Variants in TRPM1 observed in about 807,000 individuals in gnomAD.
TRPM1 encodes transient receptor potential cation channel subfamily M member 1, also known as TRPM1-203 APA Isoform, Intron 10.
Under a neutral mutation model 149.4 loss-of-function variants are expected in TRPM1, and 113 were observed. The ratio of observed to expected loss-of-function variants is 0.76; its 90% CI spans 0.65 to 0.88. TRPM1 has a LOEUF of 0.88. TRPM1 is among the 40% of genes least tolerant of loss of function. The probability of loss-of-function intolerance (pLI) is 0.00; values close to 1 mark genes in which losing one functional copy is unlikely to be tolerated. For synonymous variants in TRPM1, 741 were observed against 759.5 expected (o/e 0.98, Z 0.40); for missense variants, 1,976 against 2,038.7 (o/e 0.97, Z 0.59).
At chr15:31,140,328 GA>G (rs2036144771) in intron 1 of TRPM1, among the ~76,000 whole-genome samples, 1 of 151,884 alleles carries the variant, frequency 6.6e-6, no homozygotes, top group East Asian at 1.9e-4. Context: ...GCAGTGAGCC[GA>G]GATCGTGCCA....
At chr15:31,119,243 A>AAAATAAATAAATAAATAAAT (rs71110839) in intron 1 of TRPM1, among the ~76,000 whole-genome samples, 2 of 148,156 alleles carry the variant, frequency 1.3e-5, no homozygotes, top group South Asian at 4.3e-4. Context: ...CTCCATCTCA[A>AAAATAAATAAATAAATAAAT]AAATAAATAA....
intron 1 of TRPM1, among the ~76,000 whole-genome samples, chr15:31,110,825 T>C (rs2035674144): frequency 6.6e-6 from 1 of 152,102 alleles, no homozygotes; most frequent in African/African-American, 2.4e-5. Context: ...TTTCATTTTT[T>C]TCTCCTTTCT....
At chr15:31,112,131 T>C (rs1432960898) in intron 1 of TRPM1, among the ~76,000 whole-genome samples, 2 of 152,186 alleles carry the variant, frequency 1.3e-5, no homozygotes, top group Admixed American at 6.5e-5. Context: ...AGTGTGGCAA[T>C]AGAAGAAGGG....
At chr15:31,083,453 G>A (rs2034915313) in intron 1 of TRPM1, among the ~76,000 whole-genome samples, 1 of 152,158 alleles carries the variant, frequency 6.6e-6, no homozygotes. Flanking sequence ...AGGTGGCGGC[G>A]GGTTCCCACA....
At position 31,040,446 on chromosome 15, in the gene TRPM1, G is replaced by C. The variant is rs375036323; in HGVS notation, c.2088-100C>G. 2.1e-6 allele frequency: 2 copies of C among 975,390 alleles called. No homozygotes were observed. The highest frequency in any genetic ancestry group is 1.6e-6 in the Non-Finnish European group (1 of 620,214). 60.4% of individuals were successfully genotyped at this position (975,390 alleles called of 1,614,324 possible). A position where few individuals can be genotyped will look rare whatever the true frequency, so the allele number is the denominator to read the frequency against. On this transcript the variant is annotated intron_variant, in intron 17 of 27. Transcript: ENST00000256552. This position sits in a 1 kb window ranked among gnomAD's most constrained non-coding sequence, Gnocchi z 4.2. ...AGGACTTATGGAGCCACGGGACACA[G>C]TATCCTTCACTGGAGGGGCTCTGAG...
At chr15:31,010,448 T>G (rs1312416132) in intron 27 of TRPM1, among the ~76,000 whole-genome samples, 2 of 152,226 alleles carry the variant, frequency 1.3e-5, no homozygotes, top group Non-Finnish European at 2.9e-5. Flanking sequence ...TTTTACTGTA[T>G]CCCATAAATT....
At chr15:31,072,008 T>TAGAG (rs1217815144) in intron 3 of TRPM1, among the ~76,000 whole-genome samples, 26 of 34,756 alleles carry the variant, frequency 7.5e-4, no homozygotes, top group African/African-American at 1.6e-3. Flanking sequence ...TATATATATA[T>TAGAG]ATATATATAT....
At position 31,059,980 on chromosome 15, in the gene TRPM1, C is replaced by T. The variant is rs2034181140; in HGVS notation, c.1263+564G>A. On this transcript the variant is annotated intron_variant, in intron 11 of 27. Coordinates refer to ENST00000256552, the MANE Select transcript of TRPM1 (RefSeq NM_001252024.2). ...CACACACACTGCTCATCCCATATCA[C>T]ACACACACAATACCCTCCCAATGAC... Among the ~76,000 whole-genome samples, 3 of 151,852 alleles carry T rather than the reference C, an allele frequency of 2.0e-5. No individual in the cohort carries two copies. The South Asian group carries it at 6.2e-4, about 32-fold the overall frequency.
chr15:31,152,520 C>T (rs930111944), intron 1 of TRPM1, among the ~76,000 whole-genome samples: 5 of 152,200 alleles, frequency 3.3e-5, no homozygotes, highest in African/African-American at 9.6e-5. Flanking sequence ...CAGCCAAGGA[C>T]ATTCCAAAGT....
At chr15:31,070,326 C>A in intron 3 of TRPM1, 100 bp from the exon 4 acceptor site, 1 of 1,142,170 alleles carries the variant, frequency 8.8e-7, no homozygotes. Flanking sequence ...TGGGCCCAAA[C>A]AGGAGCCTAC....
At chr15:31,066,835 G>A (rs2034389742) in intron 6 of TRPM1, among the ~76,000 whole-genome samples, 2 of 152,178 alleles carry the variant, frequency 1.3e-5, no homozygotes. Context: ...AAGGGCAACA[G>A]GAGGGATCCT....
At chr15:31,013,995 C>A (rs955230925) in intron 27 of TRPM1, among the ~76,000 whole-genome samples, 18 of 152,176 alleles carry the variant, frequency 1.2e-4, no homozygotes, top group African/African-American at 4.1e-4. Flanking sequence ...TTTGCTTTAG[C>A]TTTCACTTCC....
At chr15:31,023,191 G>C (rs1325547021) in intron 27 of TRPM1, among the ~76,000 whole-genome samples, 1 of 152,236 alleles carries the variant, frequency 6.6e-6, no homozygotes, top group East Asian at 1.9e-4. Flanking sequence ...TTTCCATAAG[G>C]AATTGGCATT....
chr15:31,092,204 G>A (rs896713402), intron 1 of TRPM1, among the ~76,000 whole-genome samples: 21 of 152,168 alleles, frequency 1.4e-4, no homozygotes, highest in Non-Finnish European at 5.9e-5. Context: ...TTGGGAGTGG[G>A]AACAGCAGGG....
At chr15:31,136,714 G>A (rs2036092744) in intron 1 of TRPM1, among the ~76,000 whole-genome samples, 2 of 147,196 alleles carry the variant, frequency 1.4e-5, no homozygotes. Context: ...TCTGCTTTTT[G>A]CTGTTTGTTT....
chr15:31,074,195 G>C (rs374343986), intron 3 of TRPM1, among the ~76,000 whole-genome samples: 2 of 152,016 alleles, frequency 1.3e-5, no homozygotes, highest in Admixed American at 6.6e-5. Flanking sequence ...TGGTATCTGG[G>C]TAGTACTGGC....
At chr15:31,044,172 G>A (rs945455900) in intron 16 of TRPM1, among the ~76,000 whole-genome samples, 4 of 152,134 alleles carry the variant, frequency 2.6e-5, no homozygotes, top group Non-Finnish European at 4.4e-5. Context: ...TAGAAAAAAC[G>A]ACAATGAAGG....
chr15:31,041,862 T>G, intron 17 of TRPM1, 89 bp downstream of exon 17: 45 of 1,390,026 alleles, frequency 3.2e-5, no homozygotes, highest in Non-Finnish European at 4.4e-5. Context: ...TGTCCTTAAG[T>G]GAGAAGTACA....
intron 1 of TRPM1, among the ~76,000 whole-genome samples, chr15:31,157,033 C>T (rs2036387588): frequency 6.6e-6 from 1 of 151,618 alleles, no homozygotes; most frequent in Admixed American, 6.6e-5. Context: ...CCACCTCAGC[C>T]TCCTAATACC....
Sources: allele counts gnomAD v4.1 joint callset (sites outside exome capture counted in the v4.1 genomes callset), GRCh38; gene constraint gnomAD v4.1.1; non-coding constraint Gnocchi (gnomAD v3.1); transcripts MANE v1.5; gene names NCBI Gene and HGNC (gene_info 2026-07-23, HGNC 2026-07-21).